Variants in TLE2 observed in about 807,000 individuals in gnomAD.
TLE2 encodes the protein TLE family member 2, transcriptional corepressor.
Under a neutral mutation model 97.2 loss-of-function variants are expected in TLE2, and 74 were observed. That is an observed-to-expected ratio of 0.76 (90% CI 0.63 to 0.92). The LOEUF is 0.92. Ranked by LOEUF, TLE2 falls within the 40% of genes least tolerant of loss-of-function variation. The pLI is 0.00. For synonymous variants in TLE2, 499 were observed against 432.1 expected (o/e 1.15, Z -1.92); for missense variants, 1,038 against 1,008.7 (o/e 1.03, Z -0.39).
intron 18 of TLE2, among the ~76,000 whole-genome samples, chr19:3,001,949 C>T (rs925997271): frequency 6.6e-6 from 1 of 151,930 alleles, no homozygotes; most frequent in Non-Finnish European, 1.5e-5. Flanking sequence ...AGGCGCCCAC[C>T]ACCACGCCTG....
Position 3,029,097 on chromosome 19 carries a change from C to A in TLE2, c.-193G>T. ...CGCGCGCGCCCGGGGTCGTGGGAGC[C>A]CCTCCCCGGGTTGGGGTGCGCGGGG... On this transcript the variant is annotated 5_prime_UTR_variant, in exon 1 of 20. Coordinates refer to ENST00000262953, the MANE Select transcript of TLE2 (RefSeq NM_003260.5). 1.6e-6 allele frequency: 2 copies of A among 1,246,598 alleles called. No homozygotes were observed. The highest frequency in any genetic ancestry group is 2.0e-6 in the Non-Finnish European group (2 of 992,788). The allele number at this position is 1,246,598 out of a possible 1,614,324, so 77.2% of individuals were successfully genotyped here.
intron 4 of TLE2, chr19:3,025,679 G>T: frequency 2.4e-5 from 21 of 888,344 alleles, no homozygotes; most frequent in Non-Finnish European, 2.6e-5. Context: ...TGTGGGTGGG[G>T]AAGGGGGCGG....
chr19:3,018,876 C>G (rs908838255), intron 7 of TLE2, among the ~76,000 whole-genome samples: 4 of 152,154 alleles, frequency 2.6e-5, no homozygotes, highest in Non-Finnish European at 5.9e-5. Flanking sequence ...CCTCGGCCTC[C>G]CAAAGTGCTG....
rs368584499 is a variant in TLE2 at position 3,006,537 on chromosome 19, G to A, written c.1383C>T (p.Cys461=). ...LHTLAHGEVV[C]AVTISGSTQH... ...GTGTGGAGCCGCTGATGGTGACCGC[G>A]CAGACCACCTCGCCATGGGCCAGCG... The change falls in exon 15 of 20, where the codon TGC becomes TGT. Residue 461 remains cysteine, a synonymous_variant. Coordinates refer to ENST00000262953, the MANE Select transcript of TLE2 (RefSeq NM_003260.5). 298 of 1,606,446 alleles carry A rather than the reference G, an allele frequency of 1.9e-4. 1 individual carries two copies. Among genetic ancestry groups the A allele is most frequent in the South Asian group, 4.9e-4 (44 of 89,982 alleles).
chr19:3,044,298 C>G (rs551949943), intron 1 of TLE2, among the ~76,000 whole-genome samples: 2 of 152,200 alleles, frequency 1.3e-5, no homozygotes, highest in South Asian at 4.1e-4. Flanking sequence ...AATCGCACAT[C>G]TGGGTGTGCC....
chr19:3,013,951 A>T, intron 10 of TLE2, 133 bp from the exon 11 acceptor site: 1 of 906,120 alleles, frequency 1.1e-6, no homozygotes, highest in Non-Finnish European at 1.5e-6. Context: ...AGATTATGAA[A>T]TCTTCTGCTG....
intron 1 of TLE2, among the ~76,000 whole-genome samples, chr19:3,043,174 G>A (rs532505558): frequency 1.5e-4 from 22 of 151,466 alleles, no homozygotes; most frequent in African/African-American, 5.3e-4. Flanking sequence ...TGTCGCCCAG[G>A]CTAGAGTGTG....
At chr19:3,042,921 C>A (rs775996587) in intron 1 of TLE2, among the ~76,000 whole-genome samples, 1 of 152,012 alleles carries the variant, frequency 6.6e-6, no homozygotes, top group Non-Finnish European at 1.5e-5. Flanking sequence ...GAGGGGAATC[C>A]TAGGCCCTCA....
rs200910426 is a variant in TLE2, at chr19:2,997,953, G to A, written c.2127C>T (p.Ser709=). The A allele has an allele frequency of 2.5e-6, 4 of 1,608,150 alleles. No homozygotes were observed. In the African/African-American group the frequency reaches 4.0e-5, roughly 16 times the overall value. ...RTPYGASIFQ[S]KESSSVLSCD... ...AACTCAGGACTGAGGACGACTCCTT[G>A]GACTGCCAAGGGAAGGGAGAGAGAA... Residue 709 remains serine, a splice_region_variant and synonymous_variant, in exon 20 of 20, where the codon TCC becomes TCT. Coordinates refer to ENST00000262953, the MANE Select transcript of TLE2 (RefSeq NM_003260.5).
intron 4 of TLE2, 106 bp from the exon 5 acceptor site, chr19:3,025,188 G>GGC: frequency 8.1e-7 from 1 of 1,233,428 alleles, no homozygotes; most frequent in Non-Finnish European, 1.1e-6. Flanking sequence ...GGTTGGGGAG[G>GGC]TGACGCCCGC....
At chr19:3,007,807 C>A (rs73516380) in intron 14 of TLE2, among the ~76,000 whole-genome samples, 3,693 of 152,124 alleles carry the variant, frequency 0.024, 150 homozygotes, top group African/African-American at 0.086. Context: ...ATTTTCAGGC[C>A]GGCACAGTGG....
intron 9 of TLE2, 59 bp from the exon 10 acceptor site, chr19:3,014,673 A>T: frequency 6.9e-7 from 1 of 1,457,198 alleles, no homozygotes; most frequent in South Asian, 1.4e-5. Context: ...CACACCCCCT[A>T]TCCGCTCCTC....
chr19:3,010,981 G>T, intron 12 of TLE2, 41 bp downstream of exon 12: 1 of 1,580,582 alleles, frequency 6.3e-7, no homozygotes, highest in East Asian at 2.3e-5. Context: ...CCCCAGAGAC[G>T]AGGCCTGCTC....
chr19:3,034,556 T>G (rs2090048522), intron 1 of TLE2, among the ~76,000 whole-genome samples: 1 of 151,196 alleles, frequency 6.6e-6, no homozygotes, highest in African/African-American at 2.4e-5. Flanking sequence ...CTTCCTGGAA[T>G]TCCCTCCCCC....
Position 2,997,771 on chromosome 19 carries a change from C to CGGCTGCTAGGATGTCTGTCCT in TLE2, c.*56_*76dup, listed in dbSNP as rs1208746167. The CGGCTGCTAGGATGTCTGTCCT allele has an allele frequency of 1.9e-6, 2 of 1,071,234 alleles. No individual in the cohort carries two copies. The highest frequency in any genetic ancestry group is 2.0e-5 in the Admixed American group (1 of 49,858). 66.4% of individuals were successfully genotyped at this position (1,071,234 alleles called of 1,614,324 possible). A position where few individuals can be genotyped will look rare whatever the true frequency, so the allele number is the denominator to read the frequency against. ...ACGGTTCCTAGGCAGGGCTGGGAGGCGGCTGCTAGGATGTCTGTCCTGGCT... is the reference window on the plus strand; with the variant it reads ...ACGGTTCCTAGGCAGGGCTGGGAGGCGGCTGCTAGGATGTCTGTCCTGGCTGCTAGGATGTCTGTCCTGGCT... On this transcript the variant is annotated 3_prime_UTR_variant, in exon 20 of 20. Transcript: ENST00000262953.
upstream of TLE2, among the ~76,000 whole-genome samples, chr19:3,031,111 G>C (rs577857142): frequency 1.1e-4 from 17 of 152,280 alleles, no homozygotes; most frequent in Admixed American, 7.2e-4. Flanking sequence ...TTTGTGGGAT[G>C]TGAGTGACAG....
At chr19:3,023,877 G>T (rs1320550232) in intron 5 of TLE2, among the ~76,000 whole-genome samples, 1 of 146,216 alleles carries the variant, frequency 6.8e-6, no homozygotes, top group Non-Finnish European at 1.5e-5. Flanking sequence ...GGGTAACAGA[G>T]CAAGAATCCA....
chr19:3,022,111 T>C (rs1187363810), intron 5 of TLE2, among the ~76,000 whole-genome samples: 3 of 151,618 alleles, frequency 2.0e-5, no homozygotes, highest in South Asian at 2.1e-4. Flanking sequence ...TGCAGTGGCG[T>C]GATCTCGGTT....
chr19:3,006,508 T>C lies in TLE2; in HGVS notation c.1412A>G (p.His471Arg). 6.2e-7 allele frequency: 1 copy of C among 1,609,178 alleles called. No homozygotes were observed. Among genetic ancestry groups the C allele is most frequent in the Non-Finnish European group, 8.5e-7 (1 of 1,178,660 alleles). ...CAVTISGSTQ[H>R]VYTGGKGCVK... ...ACAGCCCTTGCCGCCCGTGTACACA[T>C]GCTGTGTGGAGCCGCTGATGGTGAC... Residue 471 changes from histidine (H) to arginine (R), a missense_variant, in exon 15 of 20, where the codon CAT becomes CGT. Physicochemically the swap from His to Arg is conservative, Grantham distance 29 (BLOSUM62 0). Transcript: ENST00000262953.
Sources: gnomAD v4.1 joint callset for allele counts (sites outside exome capture counted in the v4.1 genomes callset) on GRCh38, gnomAD v4.1.1 for gene constraint, MANE v1.5 for transcripts, NCBI Gene and HGNC (gene_info 2026-07-23, HGNC 2026-07-21) for gene names.